The following MKLN1 variants were observed in gnomAD, a reference collection of about 807,000 sequenced individuals.
MKLN1 encodes the protein muskelin 1.
Under a neutral mutation model 99.0 loss-of-function variants are expected in MKLN1, and 18 were observed. The ratio of observed to expected loss-of-function variants is 0.18; its 90% CI spans 0.13 to 0.27. MKLN1 has a LOEUF of 0.27. MKLN1 is among the 10% of genes least tolerant of loss of function. The pLI is 1.00. For missense variants in MKLN1, 621 were observed against 875.9 expected (o/e 0.71, Z 3.67); for synonymous variants, 288 against 293.2 (o/e 0.98, Z 0.18).
chr7:131,429,168 C>T (rs1795448498), intron 9 of MKLN1, 23 bp downstream of exon 9: 1 of 1,514,808 alleles, frequency 6.6e-7, no homozygotes, highest in Non-Finnish European at 9.2e-7. Flanking sequence ...ACTTTTCATA[C>T]ATCTATATTA....
rs968097549 is a variant in MKLN1 at position 131,389,097 on chromosome 7, G to A, written c.400+125G>A. ...AATACAATTTTATGGGAATATTGCT[G>A]CGCTGGTTTGTTTACATATTGTCTG... On this transcript the variant is annotated intron_variant, in intron 4 of 17. Coordinates refer to ENST00000352689, the MANE Select transcript of MKLN1 (RefSeq NM_013255.5). 11 of 580,162 alleles carry A rather than the reference G, an allele frequency of 1.9e-5. 1 individual carries two copies. In the East Asian group the frequency reaches 3.0e-4, roughly 16 times the overall value. The allele number at this position is 580,162 out of a possible 1,614,324, so 35.9% of individuals were successfully genotyped here.
chr7:131,332,867 G>A (rs1282551393), intron 1 of MKLN1, among the ~76,000 whole-genome samples: 4 of 151,622 alleles, frequency 2.6e-5, no homozygotes, highest in Non-Finnish European at 5.9e-5. Context: ...GGGCTCAAGC[G>A]ATCCTCCAGC....
At chr7:131,141,827 G>A (rs752469741) in intron 1 of MKLN1, among the ~76,000 whole-genome samples, 4 of 152,002 alleles carry the variant, frequency 2.6e-5, no homozygotes, top group East Asian at 1.9e-4. Flanking sequence ...TGTTTCTACC[G>A]TGCCCTGTCC....
At chr7:131,115,277 G>T (rs1385734065) in intron 1 of MKLN1, among the ~76,000 whole-genome samples, 1 of 152,134 alleles carries the variant, frequency 6.6e-6, no homozygotes, top group African/African-American at 2.4e-5. Flanking sequence ...CCCACCAATT[G>T]CTCAACACAA....
chr7:131,272,363 G>A (rs573307222), intron 3 of MKLN1, among the ~76,000 whole-genome samples: 1 of 152,222 alleles, frequency 6.6e-6, no homozygotes, highest in Non-Finnish European at 1.5e-5. Flanking sequence ...TACAGTACAT[G>A]CTCAATAAAT....
At chr7:131,437,640 C>T in intron 9 of MKLN1, 145 bp from the exon 10 acceptor site, 1 of 639,068 alleles carries the variant, frequency 1.6e-6, no homozygotes, top group Non-Finnish European at 2.7e-6. Context: ...GTGTTGGACT[C>T]ATATTGGTTG....
chr7:131,191,438 C>G (rs1412961951), intron 2 of MKLN1, among the ~76,000 whole-genome samples: 5 of 152,068 alleles, frequency 3.3e-5, no homozygotes, highest in African/African-American at 1.2e-4. Context: ...TGAACCAGCT[C>G]CAAATATTGA....
intron 1 of MKLN1, among the ~76,000 whole-genome samples, chr7:131,373,765 A>G (rs1793542718): frequency 6.6e-6 from 1 of 152,184 alleles, no homozygotes; most frequent in African/African-American, 2.4e-5. Flanking sequence ...GTCACAACTA[A>G]GATGTCAACA....
rs190652963 is a variant in MKLN1 at position 131,118,320 on chromosome 7, G to A, written c.-419+8113G>A. On this transcript the variant is annotated intron_variant, in intron 1 of 7. Coordinates refer to the MKLN1 transcript ENST00000416992. ...TGTAATCCCAACACTTTGGGAGGCC[G>A]AGGTGGGTGAATCACCTGAGGTCAG... Among the ~76,000 whole-genome samples the A allele has an allele frequency of 2.7e-4, 41 of 152,250 alleles. No individual in the cohort carries two copies. In the Middle Eastern group the frequency reaches 0.014, roughly 51 times the overall value.
At chr7:131,139,867 T>G (rs1021091381) in intron 1 of MKLN1, among the ~76,000 whole-genome samples, 1 of 152,184 alleles carries the variant, frequency 6.6e-6, no homozygotes, top group African/African-American at 2.4e-5. Flanking sequence ...TACTGGTTTT[T>G]GGGCTACTGT....
At chr7:131,320,103 AAG>A (rs1191565833) in intron 3 of MKLN1, among the ~76,000 whole-genome samples, 1 of 152,242 alleles carries the variant, frequency 6.6e-6, no homozygotes, top group Non-Finnish European at 1.5e-5. Context: ...GGAACCAAGA[AAG>A]AGCCTGCATA....
chr7:131,145,924 C>G (rs1377715448), intron 2 of MKLN1, among the ~76,000 whole-genome samples: 1 of 152,228 alleles, frequency 6.6e-6, no homozygotes, highest in Non-Finnish European at 1.5e-5. Flanking sequence ...GAAGTTCAAA[C>G]ACTAGAGTGA....
chr7:131,289,351 T>A lies in MKLN1; in HGVS notation c.-178-86073T>A, dbSNP rs116058521. On this transcript the variant is annotated intron_variant, in intron 3 of 7. Coordinates refer to the MKLN1 transcript ENST00000416992. ...TTATTAAAACCTACAAGTAGCCAGG[T>A]GTGGTGGCTCACGCCTGTGGTCCCA... Among the ~76,000 whole-genome samples the A allele has an allele frequency of 1.3e-3, 198 of 152,260 alleles. 1 individual carries two copies. The highest frequency in any genetic ancestry group is 4.4e-3 in the African/African-American group (182 of 41,560).
intron 3 of MKLN1, among the ~76,000 whole-genome samples, chr7:131,225,168 T>C (rs1474165916): frequency 6.6e-6 from 1 of 152,156 alleles, no homozygotes; most frequent in Non-Finnish European, 1.5e-5. Flanking sequence ...GGATGGCTCA[T>C]GAACATGTGG....
chr7:131,434,398 A>G (rs554764172), intron 9 of MKLN1, among the ~76,000 whole-genome samples: 2 of 152,296 alleles, frequency 1.3e-5, no homozygotes, highest in East Asian at 1.9e-4. Flanking sequence ...GTTGGCTGGT[A>G]ATATAGAGAA....
intron 1 of MKLN1, among the ~76,000 whole-genome samples, chr7:131,111,274 CA>C (rs1276667607): frequency 1.3e-5 from 2 of 152,208 alleles, no homozygotes; most frequent in Non-Finnish European, 2.9e-5. Flanking sequence ...CCGTGGAAAT[CA>C]AACTGCTCAG....
chr7:131,413,076 T>G (rs890399884), intron 7 of MKLN1, among the ~76,000 whole-genome samples: 2 of 152,222 alleles, frequency 1.3e-5, no homozygotes, highest in African/African-American at 4.8e-5. Flanking sequence ...TTTAGTGCTT[T>G]CTTTTTTCCC....
intron 9 of MKLN1, among the ~76,000 whole-genome samples, chr7:131,433,414 C>T (rs1212164700): frequency 1.3e-5 from 2 of 152,104 alleles, no homozygotes; most frequent in Admixed American, 1.3e-4. Flanking sequence ...AGATGCCCAC[C>T]AGATTTGTCT....
chr7:131,214,585 A>G (rs1796951808), intron 3 of MKLN1, among the ~76,000 whole-genome samples: 1 of 152,192 alleles, frequency 6.6e-6, no homozygotes, highest in South Asian at 2.1e-4. Flanking sequence ...GAAGTAACCA[A>G]TATTGGGGCT....
Sources: gnomAD v4.1 joint callset for allele counts (sites outside exome capture counted in the v4.1 genomes callset) on GRCh38, gnomAD v4.1.1 for gene constraint, MANE v1.5 for transcripts, NCBI Gene and HGNC (gene_info 2026-07-23, HGNC 2026-07-21) for gene names.